The following CFAP74 variants were observed in gnomAD, a reference collection of about 807,000 sequenced individuals.
The protein encoded by CFAP74 is cilia- and flagella-associated protein 74.
CFAP74 carries 124 observed loss-of-function variants against 188.9 expected under a neutral mutation model. The ratio of observed to expected loss-of-function variants is 0.66; its 90% CI spans 0.57 to 0.76. CFAP74 has a LOEUF of 0.76. Ranked by LOEUF, CFAP74 falls within the 30% of genes least tolerant of loss-of-function variation. The pLI is 0.00. For synonymous variants in CFAP74, 956 were observed against 916.7 expected (o/e 1.04, Z -0.77); for missense variants, 2,198 against 2,165.2 (o/e 1.02, Z -0.30).
At position 1,968,026 on chromosome 1, in the gene CFAP74, G is replaced by A. The variant is rs986839291; in HGVS notation, c.1245+609C>T. ...TGAGCGAATGAGTGAATGAATGAGT[G>A]AATGAGTGAATGAATAAGTGTATCA... On this transcript the variant is annotated intron_variant, in intron 11 of 38. Coordinates refer to ENST00000682832, the MANE Select transcript of CFAP74 (RefSeq NM_001304360.2). This position sits in a 1 kb window ranked among gnomAD's most constrained non-coding sequence, Gnocchi z 4.3. 3.5e-4 allele frequency among the ~76,000 whole-genome samples: 53 copies of A among 152,142 alleles called. No homozygotes were observed. The highest frequency in any genetic ancestry group is 7.9e-4 in the Admixed American group (12 of 15,278).
chr1:1,965,685 G>T (rs970670647), intron 12 of CFAP74, among the ~76,000 whole-genome samples: 2 of 152,168 alleles, frequency 1.3e-5, no homozygotes, highest in Non-Finnish European at 2.9e-5. Context: ...CCCTCCTCTT[G>T]TCCAGAGGCA....
chr1:1,955,725 C>A lies in CFAP74; in HGVS notation c.2142G>T (p.Lys714Asn), dbSNP rs1654569842. ...ADMQSRKELE[K>N]LDKEQEEEQP... ...GCTCCTCCTCCTGCTCCTTGTCCAG[C>A]TTCTCCAGCTCCTTCCGGCTCTGCA... is the stretch of plus-strand genomic sequence containing the variant. The change falls in exon 18 of 39, where the codon AAG becomes AAT. Residue 714 changes from lysine (K) to asparagine (N), a missense_variant. By Grantham distance (94) the Lys-to-Asn change is moderately conservative. Coordinates refer to ENST00000682832, the MANE Select transcript of CFAP74 (RefSeq NM_001304360.2). The A allele has an allele frequency of 6.2e-7, 1 of 1,613,644 alleles. No homozygotes were observed. The highest frequency in any genetic ancestry group is 8.5e-7 in the Non-Finnish European group (1 of 1,179,792).
chr1:1,970,860 G>A (rs1412920709), intron 9 of CFAP74, 44 bp from the exon 10 acceptor site: 5 of 1,608,104 alleles, frequency 3.1e-6, no homozygotes, highest in African/African-American at 1.3e-5. Flanking sequence ...AGCACCCACG[G>A]GCACATGCAC....
At chr1:1,933,044 C>G (rs1353282524) in intron 25 of CFAP74, among the ~76,000 whole-genome samples, 1 of 149,338 alleles carries the variant, frequency 6.7e-6, no homozygotes, top group East Asian at 2.0e-4. Context: ...CGCCACCATG[C>G]CCGGCTAATT....
chr1:1,948,893 C>T (rs1263785610), intron 18 of CFAP74, among the ~76,000 whole-genome samples: 1 of 110,074 alleles, frequency 9.1e-6, no homozygotes, highest in Admixed American at 9.6e-5. Context: ...TTCCTTCCCT[C>T]CCTCCTTCCC....
chr1:1,978,908 G>A lies in CFAP74; in HGVS notation c.501-4710C>T, dbSNP rs529003866. ...ACACAAAGCCTCTTCTTCGTGCTGA[G>A]CTGGGCGTGGGAAGGCATCATGTGA... is the stretch of plus-strand genomic sequence containing the variant. On this transcript the variant is annotated intron_variant, in intron 6 of 38. Coordinates refer to ENST00000682832, the MANE Select transcript of CFAP74 (RefSeq NM_001304360.2). 5.3e-5 allele frequency among the ~76,000 whole-genome samples: 8 copies of A among 152,336 alleles called. No individual in the cohort carries two copies. In the South Asian group the frequency reaches 1.0e-3, roughly 20 times the overall value.
At chr1:1,958,538 G>T (rs192340745) in intron 16 of CFAP74, among the ~76,000 whole-genome samples, 6 of 152,344 alleles carry the variant, frequency 3.9e-5, no homozygotes, top group African/African-American at 1.4e-4. Flanking sequence ...GGCGGGGGCC[G>T]GGGGGACAAT....
At chr1:1,993,918 C>T (rs374933354) in intron 1 of CFAP74, among the ~76,000 whole-genome samples, 1 of 150,066 alleles carries the variant, frequency 6.7e-6, no homozygotes. Context: ...GGAGGCGGAG[C>T]TTGCAGTGAG....
In CFAP74 at chr1:1,970,825, C is replaced by G. The variant is rs115407585; in HGVS notation, c.889-9G>C. On this transcript the variant is annotated splice_polypyrimidine_tract_variant and intron_variant, in intron 9 of 38. Transcript: ENST00000682832. Reference sequence around the variant, plus strand: ...AACTTCCGCAGTGTGTCCTTGGAAACAGAGAGCACTGAGATGACAGCAGCA... The same window carrying G: ...AACTTCCGCAGTGTGTCCTTGGAAAGAGAGAGCACTGAGATGACAGCAGCA... 1.3e-4 allele frequency: 202 copies of G among 1,613,780 alleles called. No homozygotes were observed. The African/African-American group carries it at 2.5e-3, about 20-fold the overall frequency.
rs553130108 is a variant in CFAP74 at position 1,971,201 on chromosome 1, A to G, written c.889-385T>C. On this transcript the variant is annotated intron_variant, in intron 9 of 38. Transcript: ENST00000682832. Reference sequence around the variant, plus strand: ...CACACACGTGCACAGACGTGCTTACATGCACACCTGCACACATACGCGTGC... The same window carrying G: ...CACACACGTGCACAGACGTGCTTACGTGCACACCTGCACACATACGCGTGC... 6.0e-5 allele frequency among the ~76,000 whole-genome samples: 9 copies of G among 150,596 alleles called. No individual in the cohort carries two copies. The South Asian group carries it at 1.7e-3, about 28-fold the overall frequency.
intron 25 of CFAP74, among the ~76,000 whole-genome samples, chr1:1,936,906 C>CAAAA (rs34360920): frequency 1.5e-5 from 2 of 136,862 alleles, no homozygotes; most frequent in African/African-American, 2.8e-5. Flanking sequence ...GACCCTGTCT[C>CAAAA]AAAAAAAAAA....
chr1:1,982,622 C>A (rs1656976678), intron 6 of CFAP74, among the ~76,000 whole-genome samples: 1 of 152,270 alleles, frequency 6.6e-6, no homozygotes, highest in Non-Finnish European at 1.5e-5. Flanking sequence ...CTTTGTACTG[C>A]ATGCAAATTA....
chr1:1,943,482 G>A (rs754637605), intron 21 of CFAP74, among the ~76,000 whole-genome samples: 1 of 152,248 alleles, frequency 6.6e-6, no homozygotes, highest in African/African-American at 2.4e-5. Flanking sequence ...CTCTGTGTCC[G>A]CACACCCTGC....
At chr1:1,958,425 G>C (rs570055863) in intron 16 of CFAP74, among the ~76,000 whole-genome samples, 2 of 152,224 alleles carry the variant, frequency 1.3e-5, no homozygotes, top group Admixed American at 6.5e-5. Flanking sequence ...TGCCACTCTG[G>C]AGTCCAGCCT....
intron 18 of CFAP74, among the ~76,000 whole-genome samples, chr1:1,953,105 G>A (rs933681338): frequency 1.3e-5 from 2 of 152,074 alleles, no homozygotes; most frequent in Non-Finnish European, 2.9e-5. Flanking sequence ...ACTATCCTGA[G>A]GCCCTAATGC....
At chr1:1,984,273 C>T (rs1485713593) in intron 6 of CFAP74, 1 of 151,608 alleles carries the variant, frequency 6.6e-6, no homozygotes, top group Non-Finnish European at 1.5e-5. Flanking sequence ...GGATTATAGG[C>T]ATGAGCCACT....
At chr1:1,963,499 C>T (rs1241305955) in intron 14 of CFAP74, among the ~76,000 whole-genome samples, 5 of 111,074 alleles carry the variant, frequency 4.5e-5, no homozygotes, top group African/African-American at 1.5e-4. Flanking sequence ...CAAAACAAAA[C>T]GAAGAAAAAC....
chr1:1,950,820 GT>G (rs1341504136), intron 18 of CFAP74, among the ~76,000 whole-genome samples: 1 of 152,088 alleles, frequency 6.6e-6, no homozygotes, highest in Non-Finnish European at 1.5e-5. Flanking sequence ...GCGAAGTCCA[GT>G]TTACAATTTT....
chr1:1,925,497 G>A (rs1336114224), intron 33 of CFAP74, among the ~76,000 whole-genome samples: 2 of 152,170 alleles, frequency 1.3e-5, no homozygotes, highest in Non-Finnish European at 2.9e-5. Flanking sequence ...GGTGGGTGGG[G>A]GAGCTCTGTG....
Sources: gnomAD v4.1 joint callset for allele counts (sites outside exome capture counted in the v4.1 genomes callset) on GRCh38, gnomAD v4.1.1 for gene constraint, Gnocchi (gnomAD v3.1) non-coding constraint, MANE v1.5 for transcripts, NCBI Gene and HGNC (gene_info 2026-07-23, HGNC 2026-07-21) for gene names.